Variants in KALRN observed in about 807,000 individuals in gnomAD.
KALRN encodes kalirin.
In KALRN, 70 loss-of-function variants were observed where a neutral mutation model predicts 353.7. The observed-to-expected ratio is 0.20, with a 90% CI of 0.16 to 0.24. The LOEUF (loss-of-function observed/expected upper bound fraction) is 0.24, where lower values mean the gene tolerates loss of function less well. Ranked by LOEUF, KALRN falls within the 10% of genes least tolerant of loss-of-function variation. The pLI, the probability that KALRN is intolerant of heterozygous loss-of-function variation, is 1.00. For missense variants in KALRN, 2,791 were observed against 3,756.7 expected, an observed-to-expected ratio of 0.74 and a Z score of 6.72; for synonymous variants, 1,391 against 1,434.8, an observed-to-expected ratio of 0.97 and a Z score of 0.69.
intron 55 of KALRN, among the ~76,000 whole-genome samples, chr3:124,699,204 T>C (rs1200188129): frequency 1.3e-5 from 2 of 152,216 alleles, no homozygotes; most frequent in East Asian, 3.8e-4. Context: ...GTATTAATAG[T>C]GAGCTGGGAG....
intron 1 of KALRN, among the ~76,000 whole-genome samples, chr3:124,169,053 A>G (rs1348421184): frequency 2.0e-5 from 3 of 152,208 alleles, no homozygotes. Flanking sequence ...AATCCTGTTT[A>G]TTGACTGTGT....
At chr3:124,228,785 C>T (rs562733177) in intron 2 of KALRN, among the ~76,000 whole-genome samples, 11 of 152,268 alleles carry the variant, frequency 7.2e-5, no homozygotes, top group South Asian at 2.1e-4. Context: ...GCCAGAAATC[C>T]GTTTCATGGG....
chr3:124,247,773 C>T (rs76633982), intron 3 of KALRN, among the ~76,000 whole-genome samples: 1,745 of 152,016 alleles, frequency 0.011, 34 homozygotes, highest in African/African-American at 0.04. Context: ...AAGATGAGTA[C>T]AAGAAAAACA....
chr3:124,459,627 C>T (rs570831600), intron 23 of KALRN, among the ~76,000 whole-genome samples: 1 of 152,270 alleles, frequency 6.6e-6, no homozygotes, highest in East Asian at 1.9e-4. Context: ...CCGTACCAAT[C>T]TTATAAACCA....
chr3:124,584,829 G>A, intron 34 of KALRN: 4 of 1,604,506 alleles, frequency 2.5e-6, no homozygotes, highest in South Asian at 1.1e-5. Context: ...AACATGAAGG[G>A]CGGCGACAGG....
intron 51 of KALRN, among the ~76,000 whole-genome samples, chr3:124,693,511 G>A (rs910358223): frequency 6.6e-6 from 1 of 152,130 alleles, no homozygotes; most frequent in African/African-American, 2.4e-5. Context: ...GAAGAGGGAG[G>A]ACAGAAAGAC....
intron 5 of KALRN, among the ~76,000 whole-genome samples, chr3:124,287,450 C>A (rs1279833775): frequency 6.6e-6 from 1 of 151,740 alleles, no homozygotes; most frequent in Non-Finnish European, 1.5e-5. Flanking sequence ...TTTTTTACAT[C>A]CATCAAGACT....
chr3:124,677,498 C>A, intron 49 of KALRN: 1 of 441,116 alleles, frequency 2.3e-6, no homozygotes. Flanking sequence ...TAGTTCTTGT[C>A]CCAATAGGGA....
chr3:124,686,402 T>C (rs997981876), intron 51 of KALRN, among the ~76,000 whole-genome samples: 1 of 152,196 alleles, frequency 6.6e-6, no homozygotes, highest in Non-Finnish European at 1.5e-5. Context: ...CTGTGTATTC[T>C]TAGGTAGCCT....
chr3:124,425,380 A>C (rs2092968846), intron 15 of KALRN, among the ~76,000 whole-genome samples: 1 of 152,256 alleles, frequency 6.6e-6, no homozygotes, highest in South Asian at 2.1e-4. Context: ...ATAAATATGT[A>C]CAATTATGTT....
intron 37 of KALRN, among the ~76,000 whole-genome samples, chr3:124,649,835 A>ATAGG (rs1178376971): frequency 2.0e-5 from 3 of 150,674 alleles, no homozygotes; most frequent in Non-Finnish European, 3.0e-5. Flanking sequence ...AGATAGATAG[A>ATAGG]TATTATGGCT....
At chr3:124,042,967 A>G (rs763104963) in intron 1 of KALRN, among the ~76,000 whole-genome samples, 21 of 152,208 alleles carry the variant, frequency 1.4e-4, no homozygotes, top group Non-Finnish European at 3.1e-4. Context: ...AGAATTGTAT[A>G]TACAGGGGTA....
At chr3:124,119,381 A>G (rs2063758185) in intron 1 of KALRN, among the ~76,000 whole-genome samples, 1 of 152,248 alleles carries the variant, frequency 6.6e-6, no homozygotes, top group Non-Finnish European at 1.5e-5. Context: ...ACCCAAGAAG[A>G]TATTAAAATA....
intron 37 of KALRN, among the ~76,000 whole-genome samples, chr3:124,640,698 G>A (rs1161738952): frequency 6.6e-6 from 1 of 152,168 alleles, no homozygotes; most frequent in East Asian, 1.9e-4. Context: ...AAGGAAAGTT[G>A]AGGAAACCAA....
chr3:124,653,755 A>G (rs1236697085), intron 38 of KALRN, among the ~76,000 whole-genome samples: 3 of 152,270 alleles, frequency 2.0e-5, no homozygotes, highest in Non-Finnish European at 4.4e-5. Flanking sequence ...AAATAATTTT[A>G]GTTGGACCAA....
chr3:124,090,717 G>A (rs551695333), intron 1 of KALRN, among the ~76,000 whole-genome samples: 72 of 152,184 alleles, frequency 4.7e-4, no homozygotes, highest in Non-Finnish European at 8.5e-4. Context: ...GCTGAGGGTA[G>A]GAGAGGAGAG....
At chr3:124,663,089 G>T (rs539745942) in intron 45 of KALRN, among the ~76,000 whole-genome samples, 27 of 152,166 alleles carry the variant, frequency 1.8e-4, no homozygotes, top group African/African-American at 6.5e-4. Flanking sequence ...GGGATTACAG[G>T]CATGTGCCAC....
chr3:124,664,370 T>TGTGTGTGTGTGC lies in KALRN; in HGVS notation c.6346-2078_6346-2077insTGTGTGTGTGCG, dbSNP rs370394911. Among the ~76,000 whole-genome samples, 167 of 129,548 alleles carry TGTGTGTGTGTGC rather than the reference T, an allele frequency of 1.3e-3. 1 individual carries two copies. Among genetic ancestry groups the TGTGTGTGTGTGC allele is most frequent in the African/African-American group, 4.5e-3 (155 of 34,534 alleles). 85.0% of individuals were successfully genotyped at this position (129,548 alleles called of 152,430 possible). On this transcript the variant is annotated intron_variant, in intron 45 of 59. Transcript: ENST00000682506. ...GTGTGTGTGTGTGTGTGTGTGTGTG[T>TGTGTGTGTGTGC]GCGCGCGCGCGCATATAAGGGCACC...
At chr3:124,564,497 G>A (rs1039118744) in intron 34 of KALRN, among the ~76,000 whole-genome samples, 3 of 151,742 alleles carry the variant, frequency 2.0e-5, no homozygotes, top group African/African-American at 4.8e-5. Context: ...GCAACATAGT[G>A]AGACCCCCAT....
Sources: gnomAD v4.1 joint callset for allele counts (sites outside exome capture counted in the v4.1 genomes callset) on GRCh38, gnomAD v4.1.1 for gene constraint, MANE v1.5 for transcripts, NCBI Gene and HGNC (gene_info 2026-07-23, HGNC 2026-07-21) for gene names.